AP2A2: variants seen among roughly 807,000 people sequenced by gnomAD.
The protein encoded by AP2A2 is AP-2 complex subunit alpha-2.
A neutral mutation model predicts 104.2 loss-of-function variants in AP2A2; 32 were observed. The ratio of observed to expected loss-of-function variants is 0.31; its 90% CI spans 0.23 to 0.41. The LOEUF (loss-of-function observed/expected upper bound fraction) is 0.41, where lower values mean the gene tolerates loss of function less well. Among genes scored for constraint, AP2A2 ranks in the 10% least tolerant of loss-of-function variants. The pLI is 1.00. For missense variants in AP2A2, 912 were observed against 1,261.0 expected (o/e 0.72, Z 4.19); for synonymous variants, 539 against 533.3 (o/e 1.01, Z -0.15).
intron 2 of AP2A2, among the ~76,000 whole-genome samples, chr11:964,716 C>A (rs1854553286): frequency 6.6e-6 from 1 of 151,944 alleles, no homozygotes; most frequent in South Asian, 2.1e-4. Flanking sequence ...CTAAAAAATA[C>A]CTGCCGAAGA....
intron 1 of AP2A2, among the ~76,000 whole-genome samples, chr11:929,870 C>T (rs1853233664): frequency 6.6e-6 from 1 of 152,000 alleles, no homozygotes; most frequent in African/African-American, 2.4e-5. Flanking sequence ...GCTTGTAATC[C>T]CAGCACTTTG....
chr11:963,791 A>G (rs577025397), intron 2 of AP2A2, among the ~76,000 whole-genome samples: 26 of 152,302 alleles, frequency 1.7e-4, no homozygotes, highest in Non-Finnish European at 3.4e-4. Context: ...CCTGGCTAAC[A>G]TTTAAAAAAA....
chr11:966,252 G>T (rs1854613705), intron 2 of AP2A2, among the ~76,000 whole-genome samples: 1 of 152,202 alleles, frequency 6.6e-6, no homozygotes, highest in South Asian at 2.1e-4. Flanking sequence ...TAGCACTTTG[G>T]GAGGCCGAGG....
chr11:973,295 A>T (rs956002855), intron 4 of AP2A2, among the ~76,000 whole-genome samples: 1 of 152,206 alleles, frequency 6.6e-6, no homozygotes, highest in Non-Finnish European at 1.5e-5. Context: ...CACAGTGGGT[A>T]GAGACCAGGG....
At chr11:1,001,851 C>T (rs1335930769) in intron 15 of AP2A2, among the ~76,000 whole-genome samples, 1 of 152,148 alleles carries the variant, frequency 6.6e-6, no homozygotes, top group Non-Finnish European at 1.5e-5. Context: ...CATTGGGTGG[C>T]GCTGTCTGCA....
intron 14 of AP2A2, among the ~76,000 whole-genome samples, chr11:994,799 C>T (rs1164733642): frequency 7.1e-6 from 1 of 141,820 alleles, no homozygotes; most frequent in East Asian, 2.2e-4. Flanking sequence ...GCTGGCCTGT[C>T]CCGGGGGCCA....
In AP2A2 at chr11:1,009,125, T is replaced by G; in HGVS notation, c.2446T>G (p.Ser816Ala). The change falls in exon 19 of 22, where the codon TCT becomes GCT. Residue 816 changes from serine to alanine, a missense_variant. Physicochemically the swap from Ser to Ala is moderately conservative, Grantham distance 99. Coordinates refer to ENST00000448903, the MANE Select transcript of AP2A2 (RefSeq NM_012305.4). Reference protein sequence around the residue: ...FRYGGTFQNVSVQLPITLNKF... With the variant: ...FRYGGTFQNVAVQLPITLNKF... Reference sequence around the variant, plus strand: ...GTATGGGGGCACCTTCCAGAACGTGTCTGTGCAGCTGCCCATCACTCTCAA... The same window carrying G: ...GTATGGGGGCACCTTCCAGAACGTGGCTGTGCAGCTGCCCATCACTCTCAA... 1.2e-6 allele frequency: 2 copies of G among 1,613,282 alleles called. No individual in the cohort carries two copies. Among genetic ancestry groups the G allele is most frequent in the Non-Finnish European group, 1.7e-6 (2 of 1,179,862 alleles).
At chr11:955,488 A>G (rs1564791595) in intron 1 of AP2A2, among the ~76,000 whole-genome samples, 1 of 152,178 alleles carries the variant, frequency 6.6e-6, no homozygotes, top group South Asian at 2.1e-4. Flanking sequence ...CAGCCTGCCC[A>G]GGGGTCACTG....
rs61869001 is a variant in AP2A2 at position 1,011,597 on chromosome 11, G to A, written c.*972G>A. 0.083 allele frequency: 35,554 copies of A among 426,168 alleles called. 1,937 individuals are homozygous for A. The highest frequency in any genetic ancestry group is 0.13 in the Middle Eastern group (361 of 2,870). 26.4% of individuals were successfully genotyped at this position (426,168 alleles called of 1,614,324 possible). On this transcript the variant is annotated 3_prime_UTR_variant, in exon 22 of 22. Coordinates refer to ENST00000448903, the MANE Select transcript of AP2A2 (RefSeq NM_012305.4). The stretch of plus-strand genomic sequence containing the variant: ...TCTGGACTCAGCACCCAGGCTGCAC[G>A]TCTGACACCTGAGAGGCGAGAGAGT...
chr11:1,011,585 C>T lies in AP2A2; in HGVS notation c.*960C>T, dbSNP rs773357859. 2 of 440,124 alleles carry T rather than the reference C, an allele frequency of 4.5e-6. No homozygotes were observed. Among genetic ancestry groups the T allele is most frequent in the East Asian group, 6.5e-5 (1 of 15,340 alleles). The allele number at this position is 440,124 out of a possible 1,614,324, so 27.3% of individuals were successfully genotyped here. On this transcript the variant is annotated 3_prime_UTR_variant, in exon 22 of 22. Coordinates refer to ENST00000448903, the MANE Select transcript of AP2A2 (RefSeq NM_012305.4). ...TCTCACCTGTCATCTGGACTCAGCA[C>T]CCAGGCTGCACGTCTGACACCTGAG... is the stretch of plus-strand genomic sequence containing the variant.
intron 2 of AP2A2, among the ~76,000 whole-genome samples, chr11:967,923 AT>A (rs1404775737): frequency 8.5e-5 from 13 of 152,210 alleles, no homozygotes; most frequent in African/African-American, 3.1e-4. Flanking sequence ...AATTACTAGA[AT>A]AAAAAAGTAA....
At chr11:970,034 C>G in intron 2 of AP2A2, 135 bp from the exon 3 acceptor site, 1 of 887,198 alleles carries the variant, frequency 1.1e-6, no homozygotes, top group Non-Finnish European at 1.8e-6. Context: ...CTGCACTGCA[C>G]CTGCCTGGGC....
At position 960,955 on chromosome 11, in the gene AP2A2, G is replaced by C. The variant is rs367604035; in HGVS notation, c.136+1450G>C. ...ATTACAGGCGTGAGCCTCTGCGCCC[G>C]GTGTGCACCTTTGTTCTTAACTGTA... On this transcript the variant is annotated intron_variant, in intron 2 of 21. Transcript: ENST00000448903. 2.0e-5 allele frequency among the ~76,000 whole-genome samples: 3 copies of C among 152,390 alleles called. 1 individual carries two copies. Among genetic ancestry groups the C allele is most frequent in the Admixed American group, 6.5e-5 (1 of 15,310 alleles).
In AP2A2 at chr11:959,751, G is replaced by A. The variant is rs145909360; in HGVS notation, c.136+246G>A. Among the ~76,000 whole-genome samples the A allele has an allele frequency of 3.2e-3, 488 of 152,350 alleles. 1 individual carries two copies. Among genetic ancestry groups the A allele is most frequent in the African/African-American group, 0.011 (473 of 41,576 alleles). The stretch of plus-strand genomic sequence containing the variant: ...GCACTGGTCTAGTGCCCAGCTGCAT[G>A]TCGCAGTATTAGCCACCAGGCCAGC... On this transcript the variant is annotated intron_variant, in intron 2 of 21. Coordinates refer to ENST00000448903, the MANE Select transcript of AP2A2 (RefSeq NM_012305.4).
At chr11:980,543 G>A (rs1855201362) in intron 5 of AP2A2, among the ~76,000 whole-genome samples, 1 of 150,782 alleles carries the variant, frequency 6.6e-6, no homozygotes, top group African/African-American at 2.5e-5. Flanking sequence ...CCGGTGCCGT[G>A]TCCTGGAGCG....
At chr11:927,031 T>C (rs1242339863) in intron 1 of AP2A2, among the ~76,000 whole-genome samples, 1 of 152,210 alleles carries the variant, frequency 6.6e-6, no homozygotes, top group Non-Finnish European at 1.5e-5. Flanking sequence ...GTTGATTTTT[T>C]TCCTTGTTAT....
At position 977,243 on chromosome 11, in the gene AP2A2, G is replaced by A. The variant is rs759428299; in HGVS notation, c.603+19G>A. 26 of 1,563,512 alleles carry A rather than the reference G, an allele frequency of 1.7e-5. No homozygotes were observed. The South Asian group carries it at 2.5e-4, about 15-fold the overall frequency. On this transcript the variant is annotated intron_variant, in intron 5 of 21. Coordinates refer to ENST00000448903, the MANE Select transcript of AP2A2 (RefSeq NM_012305.4). Reference sequence around the variant, plus strand: ...GCACTTGGTAAGCACCCTTGGCTTTGGTTCTCCCCGCTCCCCCAGGTGACC... The same window carrying A: ...GCACTTGGTAAGCACCCTTGGCTTTAGTTCTCCCCGCTCCCCCAGGTGACC...
Position 1,006,572 on chromosome 11 carries a change from C to G in AP2A2, c.2251C>G (p.Leu751Val). ...FYGNKTSTQF[L>V]NFTPTLICSD... ...TGGTAATAAGACCTCCACGCAGTTC[C>G]TAAACTTTACCCCAACACTAATCTG... The change falls in exon 17 of 22, where the codon CTA (leucine) becomes GTA (valine). Residue 751 changes from leucine (L) to valine (V), a missense_variant. Leu to Val is a conservative substitution (Grantham distance 32, BLOSUM62 1). Coordinates refer to ENST00000448903, the MANE Select transcript of AP2A2 (RefSeq NM_012305.4). 1 of 1,613,766 alleles carries G rather than the reference C, an allele frequency of 6.2e-7. No homozygotes were observed.
rs1290289912 is a variant in AP2A2 at position 1,011,039 on chromosome 11, G to A, written c.*414G>A. The A allele has an allele frequency of 1.5e-6, 1 of 656,418 alleles. No individual in the cohort carries two copies. Among genetic ancestry groups the A allele is most frequent in the Non-Finnish European group, 2.9e-6 (1 of 350,024 alleles). The allele number at this position is 656,418 out of a possible 1,614,324, so 40.7% of individuals were successfully genotyped here. On this transcript the variant is annotated 3_prime_UTR_variant, in exon 22 of 22. Transcript: ENST00000448903. ...CTGTGCATGGCGTGGGCTGAGCCTT[G>A]GTGTGTGGCCGTCCTGGTGGCTGCA...
Sources: gnomAD v4.1 joint callset for allele counts (sites outside exome capture counted in the v4.1 genomes callset) on GRCh38, gnomAD v4.1.1 for gene constraint, MANE v1.5 for transcripts, NCBI Gene and HGNC (gene_info 2026-07-23, HGNC 2026-07-21) for gene names.